CDH12: variants seen among roughly 807,000 people sequenced by gnomAD.
CDH12 encodes cadherin 12, also known as cadherin-12.
A neutral mutation model predicts 74.1 loss-of-function variants in CDH12; 41 were observed. The ratio of observed to expected loss-of-function variants is 0.55; its 90% CI spans 0.43 to 0.72. The LOEUF (loss-of-function observed/expected upper bound fraction) is 0.72, where lower values mean the gene tolerates loss of function less well. Among genes scored for constraint, CDH12 ranks in the 30% least tolerant of loss-of-function variants. The pLI, the probability that CDH12 is intolerant of heterozygous loss-of-function variation, is 0.00. For missense variants in CDH12, 945 were observed against 977.2 expected (o/e 0.97, Z 0.44); for synonymous variants, 399 against 355.0 (o/e 1.12, Z -1.39).
chr5:22,262,326 A>T (rs1283770559), intron 3 of CDH12, among the ~76,000 whole-genome samples: 1 of 136,700 alleles, frequency 7.3e-6, no homozygotes, highest in East Asian at 2.2e-4. Context: ...TGTCCATGTG[A>T]TCTCATTGTT....
intron 9 of CDH12, among the ~76,000 whole-genome samples, chr5:21,815,590 T>C (rs190351035): frequency 6.6e-6 from 1 of 152,314 alleles, no homozygotes; most frequent in African/African-American, 2.4e-5. Flanking sequence ...CTAATCCATA[T>C]GTCATTACTA....
chr5:22,711,736 T>A (rs1743298576), intron 1 of CDH12, among the ~76,000 whole-genome samples: 1 of 152,030 alleles, frequency 6.6e-6, no homozygotes, highest in African/African-American at 2.4e-5. Context: ...TAGGGAAAAA[T>A]AAAACATGTT....
intron 1 of CDH12, among the ~76,000 whole-genome samples, chr5:22,533,683 T>C (rs1737696528): frequency 6.6e-6 from 1 of 152,210 alleles, no homozygotes; most frequent in Non-Finnish European, 1.5e-5. Context: ...TCAGGCATGA[T>C]AGACCCTGTA....
chr5:22,621,999 C>G (rs1274069902), intron 1 of CDH12, among the ~76,000 whole-genome samples: 1 of 151,978 alleles, frequency 6.6e-6, no homozygotes, highest in Non-Finnish European at 1.5e-5. Context: ...TAGTCATTAG[C>G]TGTGTTAGGT....
chr5:22,712,176 A>G (rs958874627), intron 1 of CDH12, among the ~76,000 whole-genome samples: 13 of 151,992 alleles, frequency 8.6e-5, no homozygotes, highest in Non-Finnish European at 1.5e-5. Flanking sequence ...CCTAAAACAT[A>G]ATTTGAAATA....
intron 4 of CDH12, among the ~76,000 whole-genome samples, chr5:22,088,418 C>A (rs534566210): frequency 6.6e-6 from 1 of 152,172 alleles, no homozygotes; most frequent in Admixed American, 6.5e-5. Context: ...CCTCTCCTTG[C>A]CTTAGGTTTC....
At chr5:22,279,293 G>C (rs771114606) in intron 3 of CDH12, among the ~76,000 whole-genome samples, 5 of 152,126 alleles carry the variant, frequency 3.3e-5, no homozygotes, top group Non-Finnish European at 7.4e-5. Flanking sequence ...TACATACCAA[G>C]TTAGTAACAA....
At chr5:21,890,772 C>T (rs1282933771) in intron 6 of CDH12, among the ~76,000 whole-genome samples, 3 of 151,930 alleles carry the variant, frequency 2.0e-5, no homozygotes, top group Non-Finnish European at 1.5e-5. Context: ...CGCAATAAAG[C>T]TCATTTTATA....
chr5:22,003,500 C>G (rs1421760119), intron 5 of CDH12, among the ~76,000 whole-genome samples: 1 of 152,302 alleles, frequency 6.6e-6, no homozygotes, highest in Admixed American at 6.5e-5. Context: ...GAGACAATTT[C>G]AGAGTAAACA....
At chr5:22,480,400 T>C (rs917820593) in intron 2 of CDH12, among the ~76,000 whole-genome samples, 1 of 151,668 alleles carries the variant, frequency 6.6e-6, no homozygotes, top group Non-Finnish European at 1.5e-5. Flanking sequence ...CTGGGAAACA[T>C]GGTGAAACTT....
intron 9 of CDH12, among the ~76,000 whole-genome samples, chr5:21,810,816 A>C (rs1747706577): frequency 6.6e-6 from 1 of 152,142 alleles, no homozygotes; most frequent in Non-Finnish European, 1.5e-5. Context: ...ACTTAAACTG[A>C]GGCATGTATG....
chr5:22,005,371 G>A (rs1300375135), intron 5 of CDH12, among the ~76,000 whole-genome samples: 1 of 152,066 alleles, frequency 6.6e-6, no homozygotes, highest in Admixed American at 6.6e-5. Flanking sequence ...TCTTTATCCA[G>A]TCATCCATTG....
intron 5 of CDH12, among the ~76,000 whole-genome samples, chr5:22,005,469 A>G (rs975236865): frequency 6.6e-6 from 1 of 151,864 alleles, no homozygotes; most frequent in Non-Finnish European, 1.5e-5. Flanking sequence ...TATAAAAATG[A>G]TTCCTTTTCC....
intron 1 of CDH12, among the ~76,000 whole-genome samples, chr5:22,766,443 G>C (rs1746519425): frequency 6.6e-6 from 1 of 151,872 alleles, no homozygotes; most frequent in Non-Finnish European, 1.5e-5. Context: ...TATCAATAAG[G>C]GTAAATTATT....
At chr5:21,960,965 T>C (rs2431903) in intron 6 of CDH12, among the ~76,000 whole-genome samples, 1 of 152,084 alleles carries the variant, frequency 6.6e-6, no homozygotes, top group Non-Finnish European at 1.5e-5. Flanking sequence ...CGAGACTACA[T>C]AGTCCTTCAT....
chr5:22,064,214 G>A (rs1741400005), intron 5 of CDH12, among the ~76,000 whole-genome samples: 1 of 152,084 alleles, frequency 6.6e-6, no homozygotes, highest in Non-Finnish European at 1.5e-5. Flanking sequence ...TTGACTTTTT[G>A]TACCTGTAGG....
At chr5:22,645,435 A>G (rs1367551930) in intron 1 of CDH12, among the ~76,000 whole-genome samples, 1 of 152,074 alleles carries the variant, frequency 6.6e-6, no homozygotes, top group Admixed American at 6.6e-5. Context: ...ATCTGCTGAT[A>G]AAACTTGAAC....
chr5:22,166,433 T>C lies in CDH12; in HGVS notation c.-187+46065A>G, dbSNP rs117035928. On this transcript the variant is annotated intron_variant, in intron 4 of 14. Transcript: ENST00000382254. ...CTTATGCCCATACCATATTGTCTAG[T>C]AGTTGATTAAGATTATTTTCCCTAG... Among the ~76,000 whole-genome samples the C allele has an allele frequency of 3.0e-4, 45 of 152,300 alleles. No homozygotes were observed. The East Asian group carries it at 8.7e-3, about 29-fold the overall frequency.
chr5:22,827,629 A>G (rs1736406262), intron 1 of CDH12, among the ~76,000 whole-genome samples: 1 of 152,216 alleles, frequency 6.6e-6, no homozygotes, highest in South Asian at 2.1e-4. Flanking sequence ...CATGTTGACA[A>G]CATCTTGCCT....
Sources: gnomAD v4.1 joint callset for allele counts (sites outside exome capture counted in the v4.1 genomes callset) on GRCh38, gnomAD v4.1.1 for gene constraint, MANE v1.5 for transcripts, NCBI Gene and HGNC (gene_info 2026-07-23, HGNC 2026-07-21) for gene names.